ANO3: variants seen among roughly 807,000 people sequenced by gnomAD.
ANO3 encodes anoctamin 3.
In ANO3, 99 loss-of-function variants were observed where a neutral mutation model predicts 144.8. The ratio of observed to expected loss-of-function variants is 0.68; its 90% confidence interval spans 0.58 to 0.81. The LOEUF (loss-of-function observed/expected upper bound fraction) is 0.81, where lower values mean the gene tolerates loss of function less well. Ranked by LOEUF, ANO3 falls within the 30% of genes least tolerant of loss-of-function variation. The pLI, the probability that ANO3 is intolerant of heterozygous loss-of-function variation, is 0.00. For missense variants in ANO3, 905 were observed against 1,202.2 expected (o/e 0.75, Z 3.66); for synonymous variants, 414 against 392.6 (o/e 1.05, Z -0.64).
At chr11:26,492,543 T>A (rs1285672236) in intron 4 of ANO3, among the ~76,000 whole-genome samples, 2 of 152,212 alleles carry the variant, frequency 1.3e-5, no homozygotes, top group East Asian at 1.9e-4. Flanking sequence ...CTTGTTTTAA[T>A]AAAGTACTCT....
At chr11:26,475,399 T>C (rs1327441630) in intron 4 of ANO3, among the ~76,000 whole-genome samples, 2 of 152,028 alleles carry the variant, frequency 1.3e-5, no homozygotes, top group Admixed American at 1.3e-4. Flanking sequence ...TGATGGTACA[T>C]TGCTCATTGA....
chr11:26,282,213 G>A (rs1853693444), intron 1 of ANO3, among the ~76,000 whole-genome samples: 1 of 152,010 alleles, frequency 6.6e-6, no homozygotes, highest in Admixed American at 6.6e-5. Flanking sequence ...ATCATGGAGT[G>A]TTTTCCGCAT....
chr11:26,266,662 T>G (rs1015085643), intron 1 of ANO3, among the ~76,000 whole-genome samples: 10 of 151,774 alleles, frequency 6.6e-5, no homozygotes, highest in African/African-American at 2.4e-4. Context: ...CTCGAACTCC[T>G]GACATTGTGG....
chr11:26,488,893 A>C (rs1055334428), intron 4 of ANO3, among the ~76,000 whole-genome samples: 23 of 152,062 alleles, frequency 1.5e-4, no homozygotes, highest in African/African-American at 5.1e-4. Flanking sequence ...CCACATCCTG[A>C]TTGGTCCATT....
intron 6 of ANO3, among the ~76,000 whole-genome samples, chr11:26,522,125 A>G (rs895475027): frequency 6.6e-6 from 1 of 152,080 alleles, no homozygotes; most frequent in Admixed American, 6.5e-5. Context: ...CTGAGCTTGC[A>G]GTGAGCCGAG....
At chr11:26,216,693 A>T (rs933071271) in intron 1 of ANO3, among the ~76,000 whole-genome samples, 2 of 152,022 alleles carry the variant, frequency 1.3e-5, no homozygotes, top group Admixed American at 6.6e-5. Flanking sequence ...TAAACAGCCA[A>T]ACTGTATTTC....
intron 17 of ANO3, among the ~76,000 whole-genome samples, chr11:26,615,669 G>A (rs945313040): frequency 2.6e-5 from 4 of 151,856 alleles, no homozygotes; most frequent in African/African-American, 4.8e-5. Context: ...GCTTCCCTTC[G>A]ATATTTTAAG....
chr11:26,411,301 A>T (rs1396283427), intron 1 of ANO3, among the ~76,000 whole-genome samples: 1 of 152,026 alleles, frequency 6.6e-6, no homozygotes, highest in Admixed American at 6.6e-5. Flanking sequence ...TATAGTCAAG[A>T]GAAGGAGACA....
chr11:26,333,611 A>G (rs1303081376), intron 1 of ANO3, among the ~76,000 whole-genome samples: 1 of 152,096 alleles, frequency 6.6e-6, no homozygotes, highest in Non-Finnish European at 1.5e-5. Context: ...TTTAACAAAA[A>G]CTAGATTAAC....
At chr11:26,629,580 A>G (rs1166909956) in intron 18 of ANO3, among the ~76,000 whole-genome samples, 3 of 152,178 alleles carry the variant, frequency 2.0e-5, no homozygotes, top group Admixed American at 6.5e-5. Context: ...GAGACAGACC[A>G]TTAGACTATC....
chr11:26,564,157 C>T (rs1850420066), intron 14 of ANO3, among the ~76,000 whole-genome samples: 1 of 151,388 alleles, frequency 6.6e-6, no homozygotes, highest in Non-Finnish European at 1.5e-5. Context: ...AGTAAGTACT[C>T]AGTATTCTCA....
At chr11:26,230,530 C>T (rs1852367667) in intron 1 of ANO3, among the ~76,000 whole-genome samples, 1 of 151,970 alleles carries the variant, frequency 6.6e-6, no homozygotes, top group African/African-American at 2.4e-5. Context: ...GGCACGGTAG[C>T]TCACGCCTGT....
chr11:26,375,418 T>G (rs1030122549), intron 1 of ANO3, among the ~76,000 whole-genome samples: 8 of 152,188 alleles, frequency 5.3e-5, no homozygotes. Flanking sequence ...ACTGGTAGAT[T>G]ATATAGTTAT....
chr11:26,329,477 T>C (rs747162321), upstream of ANO3, among the ~76,000 whole-genome samples: 13 of 152,200 alleles, frequency 8.5e-5, no homozygotes, highest in Non-Finnish European at 1.9e-4. Context: ...AAGATGTTCT[T>C]TGAATCCCCT....
intron 6 of ANO3, 28 bp downstream of exon 6, chr11:26,516,955 CT>C: frequency 7.4e-7 from 1 of 1,355,810 alleles, no homozygotes; most frequent in South Asian, 1.2e-5. Context: ...TTTATTTTAT[CT>C]CAATATATAT....
At position 26,599,059 on chromosome 11, in the gene ANO3, T is replaced by C. The variant is rs1851721133; in HGVS notation, c.1671+61T>C. On this transcript the variant is annotated intron_variant, in intron 16 of 26. Coordinates refer to ENST00000256737, the MANE Select transcript of ANO3 (RefSeq NM_031418.4). ...ATTCTAAATTTAGAAGTAAGTTCAA[T>C]GATACCAACTCATTTTGTGACGTTG... is the stretch of plus-strand genomic sequence containing the variant. 2.6e-6 allele frequency: 4 copies of C among 1,531,486 alleles called. No individual in the cohort carries two copies. In the Admixed American group the frequency reaches 5.4e-5, roughly 21 times the overall value. The allele number at this position is 1,531,486 out of a possible 1,614,324, so 94.9% of individuals were successfully genotyped here.
At chr11:26,270,328 A>T (rs1449490684) in intron 1 of ANO3, among the ~76,000 whole-genome samples, 1 of 152,164 alleles carries the variant, frequency 6.6e-6, no homozygotes, top group Non-Finnish European at 1.5e-5. Flanking sequence ...GGAGGGTGGT[A>T]GAAACAATCT....
At chr11:26,537,353 G>T in intron 9 of ANO3, 53 bp from the exon 10 acceptor site, 1 of 1,389,242 alleles carries the variant, frequency 7.2e-7, no homozygotes, top group Non-Finnish European at 1.0e-6. Context: ...TTGCTTCAGA[G>T]GAAATGTTTC....
chr11:26,312,736 A>T (rs765426059), intron 1 of ANO3, among the ~76,000 whole-genome samples: 1 of 152,172 alleles, frequency 6.6e-6, no homozygotes, highest in Non-Finnish European at 1.5e-5. Context: ...GATTCTGGAT[A>T]TTAGCCCTTT....
Sources: allele counts gnomAD v4.1 joint callset (sites outside exome capture counted in the v4.1 genomes callset), GRCh38; gene constraint gnomAD v4.1.1; transcripts MANE v1.5; gene names NCBI Gene and HGNC (gene_info 2026-07-23, HGNC 2026-07-21).